The following PTPRD variants were observed in gnomAD, a reference collection of about 807,000 sequenced individuals.
PTPRD encodes the protein receptor-type tyrosine-protein phosphatase delta.
A neutral mutation model predicts 214.5 loss-of-function variants in PTPRD; 34 were observed. The observed-to-expected ratio is 0.16, with a 90% CI of 0.12 to 0.21. The LOEUF is 0.21. PTPRD is among the 10% of genes least tolerant of loss of function. PTPRD has a pLI of 1.00. For synonymous variants in PTPRD, 1,128 were observed against 845.7 expected (o/e 1.33, Z -5.79); for missense variants, 2,545 against 2,398.7 (o/e 1.06, Z -1.27).
At chr9:10,357,283 T>C (rs1254001938) in intron 2 of PTPRD, among the ~76,000 whole-genome samples, 1 of 152,196 alleles carries the variant, frequency 6.6e-6, no homozygotes, top group East Asian at 1.9e-4. Context: ...TTGATTTGAT[T>C]TAACCATCAC....
At chr9:9,732,446 C>G (rs1404770116) in intron 7 of PTPRD, among the ~76,000 whole-genome samples, 1 of 152,026 alleles carries the variant, frequency 6.6e-6, no homozygotes, top group African/African-American at 2.4e-5. Flanking sequence ...AGATAGAAGA[C>G]CACCCAAAAG....
intron 23 of PTPRD, among the ~76,000 whole-genome samples, chr9:8,502,475 C>G (rs997784406): frequency 6.6e-6 from 1 of 151,962 alleles, no homozygotes; most frequent in Non-Finnish European, 1.5e-5. Context: ...TACAGTCCAT[C>G]AAAATAAAAG....
intron 10 of PTPRD, among the ~76,000 whole-genome samples, chr9:9,078,500 T>C (rs1336737753): frequency 6.6e-6 from 1 of 152,102 alleles, no homozygotes; most frequent in Non-Finnish European, 1.5e-5. Context: ...CTTTGAATTC[T>C]TCCATTGCTT....
At chr9:9,237,887 TA>T (rs1198313230) in intron 9 of PTPRD, among the ~76,000 whole-genome samples, 3 of 152,152 alleles carry the variant, frequency 2.0e-5, no homozygotes, top group African/African-American at 7.2e-5. Flanking sequence ...TTGAGAAACT[TA>T]AAATCTCCTC....
chr9:8,979,606 CAT>C (rs1306779656), intron 11 of PTPRD, among the ~76,000 whole-genome samples: 3 of 152,022 alleles, frequency 2.0e-5, no homozygotes, highest in Non-Finnish European at 4.4e-5. Flanking sequence ...CCAAAGGAGA[CAT>C]AAAACTGGCC....
At chr9:8,393,534 T>C (rs1276972597) in intron 36 of PTPRD, among the ~76,000 whole-genome samples, 1 of 152,100 alleles carries the variant, frequency 6.6e-6, no homozygotes, top group Non-Finnish European at 1.5e-5. Context: ...TTAGAACACA[T>C]TGGCCCTGCT....
intron 3 of PTPRD, among the ~76,000 whole-genome samples, chr9:10,239,318 T>C (rs2099639289): frequency 6.6e-6 from 1 of 151,744 alleles, no homozygotes; most frequent in Non-Finnish European, 1.5e-5. Flanking sequence ...AGTAAATCTG[T>C]ATTTATAGCT....
At position 9,901,324 on chromosome 9, in the gene PTPRD, G is replaced by A. The variant is rs144416954; in HGVS notation, c.-368+37183C>T. On this transcript the variant is annotated intron_variant, in intron 5 of 45. Coordinates refer to ENST00000381196, the MANE Select transcript of PTPRD (RefSeq NM_002839.4). Reference sequence around the variant, plus strand: ...TTTTCTTTAAAACTATTAGACCTTCGATGTTCAACCTCCTGAAATAGTGCT... The same window carrying A: ...TTTTCTTTAAAACTATTAGACCTTCAATGTTCAACCTCCTGAAATAGTGCT... 1.6e-4 allele frequency among the ~76,000 whole-genome samples: 25 copies of A among 152,124 alleles called. 1 individual carries two copies. In the East Asian group the frequency reaches 4.6e-3, roughly 28 times the overall value.
At chr9:10,074,169 C>A (rs2098088467) in intron 3 of PTPRD, among the ~76,000 whole-genome samples, 1 of 152,098 alleles carries the variant, frequency 6.6e-6, no homozygotes, top group Non-Finnish European at 1.5e-5. Flanking sequence ...TGGATAGAAT[C>A]ATGGCATCAT....
chr9:9,750,159 T>A (rs1014639330), intron 6 of PTPRD, among the ~76,000 whole-genome samples: 1 of 152,190 alleles, frequency 6.6e-6, no homozygotes, highest in Non-Finnish European at 1.5e-5. Flanking sequence ...TATTCCTCTC[T>A]CTAGCGCATA....
chr9:8,787,492 C>G (rs887871608), intron 11 of PTPRD, among the ~76,000 whole-genome samples: 1 of 151,960 alleles, frequency 6.6e-6, no homozygotes, highest in Admixed American at 6.5e-5. Context: ...TTTTTCTAGT[C>G]TATTAATGTC....
At chr9:10,007,126 T>G (rs79524082) in intron 4 of PTPRD, among the ~76,000 whole-genome samples, 4,345 of 152,094 alleles carry the variant, frequency 0.029, 124 homozygotes, top group Admixed American at 0.089. Flanking sequence ...AGAGTTTAAC[T>G]TATTTAAGGA....
chr9:10,295,402 A>G (rs550960199), intron 3 of PTPRD, among the ~76,000 whole-genome samples: 203 of 152,200 alleles, frequency 1.3e-3, no homozygotes, highest in Non-Finnish European at 2.4e-3. Flanking sequence ...AATTACCAAG[A>G]ATATCAACTA....
At chr9:9,375,305 A>T (rs752459009) in intron 9 of PTPRD, among the ~76,000 whole-genome samples, 1 of 152,174 alleles carries the variant, frequency 6.6e-6, no homozygotes, top group Non-Finnish European at 1.5e-5. Flanking sequence ...TGCCTTAAAA[A>T]AGAATGAAAA....
chr9:8,982,378 G>A (rs1404961269), intron 11 of PTPRD, among the ~76,000 whole-genome samples: 1 of 151,788 alleles, frequency 6.6e-6, no homozygotes, highest in Non-Finnish European at 1.5e-5. Flanking sequence ...AGTCTCATAA[G>A]GGAAGTCTTT....
At chr9:9,531,530 G>A (rs1256513316) in intron 8 of PTPRD, among the ~76,000 whole-genome samples, 3 of 152,084 alleles carry the variant, frequency 2.0e-5, no homozygotes, top group African/African-American at 7.2e-5. Context: ...TGTTGGGGTG[G>A]CAAAAATCTT....
At chr9:9,762,375 C>T (rs1032313068) in intron 6 of PTPRD, among the ~76,000 whole-genome samples, 2 of 152,200 alleles carry the variant, frequency 1.3e-5, no homozygotes, top group Non-Finnish European at 2.9e-5. Context: ...GTGTTCTCTT[C>T]AGAGTACGCT....
intron 14 of PTPRD, among the ~76,000 whole-genome samples, chr9:8,603,190 T>C (rs1201375231): frequency 6.6e-6 from 1 of 152,234 alleles, no homozygotes; most frequent in Non-Finnish European, 1.5e-5. Context: ...GGTTTCACCA[T>C]TTATAAGTTG....
chr9:10,389,063 G>C (rs1015738162), intron 2 of PTPRD, among the ~76,000 whole-genome samples: 1 of 151,822 alleles, frequency 6.6e-6, no homozygotes, highest in Non-Finnish European at 1.5e-5. Flanking sequence ...TTATGTCAGA[G>C]AAATGGAACG....
Sources: gnomAD v4.1 joint callset for allele counts (sites outside exome capture counted in the v4.1 genomes callset) on GRCh38, gnomAD v4.1.1 for gene constraint, MANE v1.5 for transcripts, NCBI Gene and HGNC (gene_info 2026-07-23, HGNC 2026-07-21) for gene names.